KCNIP4: variants seen among roughly 807,000 people sequenced by gnomAD.
The protein encoded by KCNIP4 is Kv channel-interacting protein 4.
In KCNIP4, 12 loss-of-function variants were observed where a neutral mutation model predicts 34.0. That is an observed-to-expected ratio of 0.35 (90% CI 0.23 to 0.57). The LOEUF (loss-of-function observed/expected upper bound fraction) is 0.57. KCNIP4 is among the 20% of genes least tolerant of loss of function. The pLI, the probability that KCNIP4 is intolerant of heterozygous loss-of-function variation, is 0.83. For missense variants in KCNIP4, 238 were observed against 311.7 expected (o/e 0.76, Z 1.78); for synonymous variants, 124 against 102.2 (o/e 1.21, Z -1.29).
intron 2 of KCNIP4, among the ~76,000 whole-genome samples, chr4:20,853,602 A>G (rs1347431501): frequency 1.4e-5 from 2 of 142,878 alleles, no homozygotes; most frequent in East Asian, 4.2e-4. Context: ...CATGACCAAG[A>G]ACCCAAAAGC....
chr4:21,239,068 CTG>C, intron 1 of KCNIP4, among the ~76,000 whole-genome samples: 3 of 152,012 alleles, frequency 2.0e-5, no homozygotes, highest in Non-Finnish European at 4.4e-5. Flanking sequence ...AGAAATAATG[CTG>C]CATATCTACA....
At chr4:21,647,455 C>T (rs975291225) in intron 1 of KCNIP4, among the ~76,000 whole-genome samples, 2 of 152,018 alleles carry the variant, frequency 1.3e-5, no homozygotes, top group African/African-American at 4.8e-5. Context: ...GGCCATGGAC[C>T]CTTACTCCGT....
intron 3 of KCNIP4, among the ~76,000 whole-genome samples, chr4:20,795,483 T>G (rs1316941580): frequency 2.0e-5 from 3 of 152,192 alleles, no homozygotes; most frequent in Non-Finnish European, 4.4e-5. Flanking sequence ...GCTGATTTCT[T>G]ATCATTATTC....
At chr4:21,444,738 C>T (rs1184716902) in intron 1 of KCNIP4, among the ~76,000 whole-genome samples, 1 of 152,154 alleles carries the variant, frequency 6.6e-6, no homozygotes, top group African/African-American at 2.4e-5. Flanking sequence ...CCCTCTCTCA[C>T]CACTCCTATT....
At chr4:20,925,494 C>T (rs1261779279) in intron 1 of KCNIP4, among the ~76,000 whole-genome samples, 1 of 152,166 alleles carries the variant, frequency 6.6e-6, no homozygotes, top group Non-Finnish European at 1.5e-5. Flanking sequence ...AAACAAGAAG[C>T]ATGAATAATC....
chr4:21,607,499 T>A (rs925765337), intron 1 of KCNIP4, among the ~76,000 whole-genome samples: 1 of 151,886 alleles, frequency 6.6e-6, no homozygotes, highest in Non-Finnish European at 1.5e-5. Flanking sequence ...ACACTCCAAA[T>A]TCCCAAAGTG....
At chr4:21,608,733 T>C (rs4572864) in intron 1 of KCNIP4, 106,671 of 152,042 alleles carry the variant, frequency 0.7, 38,055 homozygotes, top group East Asian at 0.9. Context: ...AGTCAAGCAC[T>C]GCCTCTTGTA....
At chr4:21,476,142 C>A (rs1386184362) in intron 1 of KCNIP4, among the ~76,000 whole-genome samples, 9 of 152,276 alleles carry the variant, frequency 5.9e-5, no homozygotes, top group Middle Eastern at 3.4e-3. Flanking sequence ...GTGTTTTTAT[C>A]TTCGCTCAAG....
At chr4:21,446,810 T>A (rs1286643583) in intron 1 of KCNIP4, among the ~76,000 whole-genome samples, 1 of 152,164 alleles carries the variant, frequency 6.6e-6, no homozygotes, top group Non-Finnish European at 1.5e-5. Context: ...TTTCTTTCAC[T>A]TAGCATATTG....
chr4:20,986,204 T>C (rs1457699092), intron 1 of KCNIP4, among the ~76,000 whole-genome samples: 1 of 152,188 alleles, frequency 6.6e-6, no homozygotes, highest in African/African-American at 2.4e-5. Flanking sequence ...GTTTTTCCCA[T>C]GAAGACCTGC....
intron 1 of KCNIP4, among the ~76,000 whole-genome samples, chr4:21,811,850 C>T (rs977209740): frequency 6.6e-6 from 1 of 152,196 alleles, no homozygotes; most frequent in African/African-American, 2.4e-5. Flanking sequence ...TCTCAACCAA[C>T]AGAGGCAAGA....
At chr4:20,934,056 T>G (rs1274936100) in intron 1 of KCNIP4, among the ~76,000 whole-genome samples, 2 of 152,180 alleles carry the variant, frequency 1.3e-5, no homozygotes, top group Non-Finnish European at 2.9e-5. Context: ...TATGAAAGCA[T>G]GCACAAAAAA....
intron 1 of KCNIP4, among the ~76,000 whole-genome samples, chr4:21,833,016 G>C (rs1201289235): frequency 6.8e-6 from 1 of 146,534 alleles, no homozygotes; most frequent in Admixed American, 6.7e-5. Context: ...TTGGTTCCAA[G>C]TCTTTGCTAT....
chr4:21,880,401 T>C (rs1444751999), intron 1 of KCNIP4, among the ~76,000 whole-genome samples: 1 of 152,196 alleles, frequency 6.6e-6, no homozygotes, highest in Non-Finnish European at 1.5e-5. Context: ...TTTATATTCT[T>C]ACCATCAATA....
intron 1 of KCNIP4, among the ~76,000 whole-genome samples, chr4:21,371,405 G>A (rs1368462811): frequency 2.1e-5 from 3 of 146,308 alleles, no homozygotes; most frequent in Non-Finnish European, 4.4e-5. Context: ...GACACCTCTG[G>A]GGGAAAGAAA....
Position 20,825,075 on chromosome 4 carries a change from C to G in KCNIP4, c.288+25468G>C, listed in dbSNP as rs140465637. On this transcript the variant is annotated intron_variant, in intron 3 of 8. Transcript: ENST00000382152. Reference sequence around the variant, plus strand: ...GTTGAACCCAAACTCTCACTAGTATCTCATCGTATTTCCCAAAGGTTTGCC... The same window carrying G: ...GTTGAACCCAAACTCTCACTAGTATGTCATCGTATTTCCCAAAGGTTTGCC... Among the ~76,000 whole-genome samples, 316 of 152,238 alleles carry G rather than the reference C, an allele frequency of 2.1e-3. 2 individuals carry two copies. Among genetic ancestry groups the G allele is most frequent in the African/African-American group, 7.3e-3 (305 of 41,548 alleles).
chr4:21,294,086 T>C (rs572595039), intron 1 of KCNIP4, among the ~76,000 whole-genome samples: 36 of 152,300 alleles, frequency 2.4e-4, no homozygotes, highest in African/African-American at 8.7e-4. Flanking sequence ...ATAAAAACTG[T>C]TAATATGAAT....
chr4:20,838,199 G>C (rs1350954782), intron 3 of KCNIP4, among the ~76,000 whole-genome samples: 1 of 152,110 alleles, frequency 6.6e-6, no homozygotes, highest in Non-Finnish European at 1.5e-5. Flanking sequence ...CTGATGTACA[G>C]TGCTAAAGGA....
At chr4:21,588,331 G>A (rs1413135735) in intron 1 of KCNIP4, among the ~76,000 whole-genome samples, 1 of 151,984 alleles carries the variant, frequency 6.6e-6, no homozygotes, top group African/African-American at 2.4e-5. Context: ...TTGTTATGGT[G>A]AGGAAAGTCT....
Sources: gnomAD v4.1 joint callset for allele counts (sites outside exome capture counted in the v4.1 genomes callset) on GRCh38, gnomAD v4.1.1 for gene constraint, MANE v1.5 for transcripts, NCBI Gene and HGNC (gene_info 2026-07-23, HGNC 2026-07-21) for gene names.